FAM168A: variants seen among roughly 807,000 people sequenced by gnomAD.
The protein encoded by FAM168A is family with sequence similarity 168 member A, also known as protein FAM168A.
In FAM168A, 3 loss-of-function variants were observed where a neutral mutation model predicts 28.5. The ratio of observed to expected loss-of-function variants is 0.11; its 90% CI spans 0.05 to 0.27. FAM168A has a LOEUF of 0.27. FAM168A is among the 10% of genes least tolerant of loss of function. The pLI is 1.00. For missense variants in FAM168A, 222 were observed against 311.5 expected (o/e 0.71, Z 2.16); for synonymous variants, 122 against 124.2 (o/e 0.98, Z 0.12).
chr11:73,579,111 C>A (rs1944212523), intron 1 of FAM168A, among the ~76,000 whole-genome samples: 1 of 152,118 alleles, frequency 6.6e-6, no homozygotes. Flanking sequence ...GGTGTCTCTT[C>A]TTATACAGGC....
intron 1 of FAM168A, among the ~76,000 whole-genome samples, chr11:73,588,286 G>T (rs1279833320): frequency 1.3e-5 from 2 of 152,090 alleles, no homozygotes; most frequent in Non-Finnish European, 2.9e-5. Flanking sequence ...TGTCAGTATT[G>T]GTTGCCTATG....
At chr11:73,443,048 C>G (rs1347361137) in intron 2 of FAM168A, among the ~76,000 whole-genome samples, 1 of 129,036 alleles carries the variant, frequency 7.7e-6, no homozygotes, top group African/African-American at 2.9e-5. Context: ...GAGCACATAA[C>G]TAAAGGCATC....
chr11:73,516,053 A>G (rs1943299951), intron 1 of FAM168A, among the ~76,000 whole-genome samples: 1 of 151,390 alleles, frequency 6.6e-6, no homozygotes. Context: ...GTGAGCCGAG[A>G]TCGTGCCACT....
intron 1 of FAM168A, among the ~76,000 whole-genome samples, chr11:73,564,933 T>G (rs1224535182): frequency 6.6e-6 from 1 of 151,766 alleles, no homozygotes; most frequent in Non-Finnish European, 1.5e-5. Context: ...TGACCAAACT[T>G]AGTCCTGAAG....
At chr11:73,439,879 C>CTTTTTT (rs761818483) in intron 2 of FAM168A, among the ~76,000 whole-genome samples, 62 of 97,006 alleles carry the variant, frequency 6.4e-4, no homozygotes, top group Non-Finnish European at 8.1e-4. Context: ...TCTCAGGTCA[C>CTTTTTT]TTTTTTTTTT....
intron 1 of FAM168A, among the ~76,000 whole-genome samples, chr11:73,562,619 G>C (rs1247619323): frequency 6.6e-6 from 1 of 152,130 alleles, no homozygotes; most frequent in East Asian, 1.9e-4. Context: ...CTGAGGTGAG[G>C]AGATCAAGAT....
In FAM168A at chr11:73,401,122, A is replaced by AAAT. The variant is rs1866399355; in HGVS notation, c.*5640_*5641insATT. ...TATTATTATTATTATTTTAAATTTT[A>AAAT]TTTCTTTTTAAAATGTGAGTTCCAA... On this transcript the variant is annotated 3_prime_UTR_variant, in exon 8 of 8. Transcript: ENST00000356467. The AAAT allele has an allele frequency of 6.7e-6, 1 of 148,814 alleles. No homozygotes were observed. Among genetic ancestry groups the AAAT allele is most frequent in the African/African-American group, 2.5e-5 (1 of 39,884 alleles). 9.2% of individuals were successfully genotyped at this position (148,814 alleles called of 1,614,324 possible). A position where few individuals can be genotyped will look rare whatever the true frequency, so the allele number is the denominator to read the frequency against.
At chr11:73,489,875 T>C (rs985294703) in intron 1 of FAM168A, among the ~76,000 whole-genome samples, 5 of 152,286 alleles carry the variant, frequency 3.3e-5, no homozygotes, top group South Asian at 2.1e-4. Flanking sequence ...GGTTTTGATA[T>C]GTTTGTTTTA....
chr11:73,471,519 G>C (rs1049563488), intron 1 of FAM168A, among the ~76,000 whole-genome samples: 1 of 152,088 alleles, frequency 6.6e-6, no homozygotes, highest in African/African-American at 2.4e-5. Context: ...ACCCCAAAAA[G>C]TTGTCATACA....
At chr11:73,471,280 T>C (rs756381346) in intron 1 of FAM168A, among the ~76,000 whole-genome samples, 5 of 152,148 alleles carry the variant, frequency 3.3e-5, no homozygotes, top group Non-Finnish European at 7.3e-5. Flanking sequence ...CATGATGGGA[T>C]CACAGGGTAG....
chr11:73,566,056 T>C (rs902355062), intron 1 of FAM168A, among the ~76,000 whole-genome samples: 8 of 152,216 alleles, frequency 5.3e-5, no homozygotes, highest in African/African-American at 1.9e-4. Flanking sequence ...ATGACTGCCA[T>C]ATTTCAAGCT....
At chr11:73,573,470 T>C (rs1168723692) in intron 1 of FAM168A, among the ~76,000 whole-genome samples, 4 of 152,198 alleles carry the variant, frequency 2.6e-5, no homozygotes, top group African/African-American at 7.2e-5. Context: ...CTCACAGTAG[T>C]ACCACACCCC....
intron 1 of FAM168A, among the ~76,000 whole-genome samples, chr11:73,561,462 C>T (rs1337863466): frequency 6.7e-6 from 1 of 149,722 alleles, no homozygotes; most frequent in Non-Finnish European, 1.5e-5. Context: ...ACTGGGGAGA[C>T]ATATATATAT....
chr11:73,518,010 G>A (rs1398997083), intron 1 of FAM168A, among the ~76,000 whole-genome samples: 1 of 152,258 alleles, frequency 6.6e-6, no homozygotes, highest in African/African-American at 2.4e-5. Context: ...GTCTAACACA[G>A]TGTCCAGGTC....
At chr11:73,504,763 A>T (rs1225223807) in intron 1 of FAM168A, among the ~76,000 whole-genome samples, 1 of 152,236 alleles carries the variant, frequency 6.6e-6, no homozygotes. Flanking sequence ...TCTAAATGCC[A>T]TCAATGATAG....
intron 4 of FAM168A, among the ~76,000 whole-genome samples, chr11:73,417,896 A>T (rs1866724260): frequency 6.6e-6 from 1 of 152,096 alleles, no homozygotes; most frequent in Non-Finnish European, 1.5e-5. Flanking sequence ...CAATCTCATG[A>T]GAAAAGTCAG....
chr11:73,426,133 A>G (rs562297342), intron 3 of FAM168A, among the ~76,000 whole-genome samples: 12 of 152,364 alleles, frequency 7.9e-5, no homozygotes, highest in Admixed American at 4.6e-4. Context: ...AAAGATTCTC[A>G]TGAGGAGGTT....
At chr11:73,597,570 C>G (rs1944451301) in intron 1 of FAM168A, among the ~76,000 whole-genome samples, 1 of 151,880 alleles carries the variant, frequency 6.6e-6, no homozygotes, top group African/African-American at 2.4e-5. Context: ...TCATTCAGTC[C>G]CCTCCCCCAT....
chr11:73,497,984 T>G (rs1854926626), intron 1 of FAM168A, among the ~76,000 whole-genome samples: 1 of 152,170 alleles, frequency 6.6e-6, no homozygotes, highest in Non-Finnish European at 1.5e-5. Context: ...TAACAAATGT[T>G]TATTGCTTAC....
Sources: allele counts gnomAD v4.1 joint callset (sites outside exome capture counted in the v4.1 genomes callset), GRCh38; gene constraint gnomAD v4.1.1; transcripts MANE v1.5; gene names NCBI Gene and HGNC (gene_info 2026-07-23, HGNC 2026-07-21).